The following SDHB variants were observed in gnomAD, a reference collection of about 807,000 sequenced individuals.
SDHB encodes the protein succinate dehydrogenase [ubiquinone] iron-sulfur subunit, mitochondrial.
SDHB carries 21 observed loss-of-function variants against 39.7 expected under a neutral mutation model. That is an observed-to-expected ratio of 0.53 (90% CI 0.37 to 0.76). The LOEUF (loss-of-function observed/expected upper bound fraction) is 0.76. Among genes scored for constraint, SDHB ranks in the 30% least tolerant of loss-of-function variants. SDHB has a pLI of 0.00. For synonymous variants in SDHB, 118 were observed against 117.0 expected (o/e 1.01, Z -0.06); for missense variants, 343 against 350.9 (o/e 0.98, Z 0.18).
intron 2 of SDHB, among the ~76,000 whole-genome samples, chr1:17,043,463 A>G (rs541958814): frequency 6.6e-6 from 1 of 152,202 alleles, no homozygotes; most frequent in Non-Finnish European, 1.5e-5. Context: ...CAAAGTAAGC[A>G]TTTAGAGTAT....
intron 5 of SDHB, among the ~76,000 whole-genome samples, chr1:17,025,973 G>A (rs1405643381): frequency 1.3e-5 from 2 of 152,166 alleles, no homozygotes; most frequent in African/African-American, 2.4e-5. Flanking sequence ...TAAGTGTAAG[G>A]CAAATATTCC....
intron 4 of SDHB, 40 bp downstream of exon 4, chr1:17,028,560 A>G: frequency 6.2e-7 from 1 of 1,610,302 alleles, no homozygotes; most frequent in Non-Finnish European, 8.5e-7. Flanking sequence ...ACTGCCCCCC[A>G]TGCAAATAAA....
intron 1 of SDHB, among the ~76,000 whole-genome samples, chr1:17,049,829 T>G (rs1001191146): frequency 3.3e-5 from 5 of 151,134 alleles, no homozygotes; most frequent in African/African-American, 9.7e-5. Context: ...GTATTTTTAG[T>G]AGGGATGGGG....
At chr1:17,028,817 T>C (rs1313224668) in intron 3 of SDHB, 81 bp from the exon 4 acceptor site, 3 of 1,549,284 alleles carry the variant, frequency 1.9e-6, no homozygotes, top group Non-Finnish European at 1.8e-6. Flanking sequence ...TGGATCCTCC[T>C]TGCTGTGCCA....
chr1:17,049,614 C>A (rs1553178994), intron 1 of SDHB, among the ~76,000 whole-genome samples: 1 of 128,730 alleles, frequency 7.8e-6, no homozygotes, highest in Non-Finnish European at 1.6e-5. Flanking sequence ...GGGCTTTAAA[C>A]AGAATCTGGG....
intron 2 of SDHB, among the ~76,000 whole-genome samples, chr1:17,041,175 T>C (rs759845219): frequency 2.0e-5 from 3 of 152,146 alleles, no homozygotes; most frequent in Non-Finnish European, 4.4e-5. Flanking sequence ...ATAATTTCTA[T>C]TAATATTTTT....
intron 6 of SDHB, 130 bp downstream of exon 6, chr1:17,023,841 CCT>C: frequency 1.4e-6 from 1 of 721,796 alleles, no homozygotes; most frequent in Non-Finnish European, 2.5e-6. Flanking sequence ...AACCAATTAC[CCT>C]GTTTGGACTG....
At chr1:17,023,443 G>C (rs1331028937) in intron 6 of SDHB, among the ~76,000 whole-genome samples, 2 of 152,220 alleles carry the variant, frequency 1.3e-5, no homozygotes, top group African/African-American at 2.4e-5. Flanking sequence ...GAGTTGCCTA[G>C]AGTCTGTGAA....
chr1:17,026,817 G>A (rs1034686834), intron 5 of SDHB, among the ~76,000 whole-genome samples: 3 of 152,066 alleles, frequency 2.0e-5, no homozygotes, highest in Admixed American at 6.6e-5. Flanking sequence ...CCTGGGCTAT[G>A]TTGCCCGGGC....
At chr1:17,028,871 C>G in intron 3 of SDHB, 135 bp from the exon 4 acceptor site, 1 of 1,095,804 alleles carries the variant, frequency 9.1e-7, no homozygotes, top group Non-Finnish European at 1.4e-6. Context: ...ACAGAGGTGC[C>G]TGTTGGCTTT....
At chr1:17,034,462 C>CCT (rs1406523694) in intron 2 of SDHB, among the ~76,000 whole-genome samples, 1 of 152,032 alleles carries the variant, frequency 6.6e-6, no homozygotes, top group African/African-American at 2.4e-5. Context: ...CTCACTGCAA[C>CCT]CTCTACCTTC....
At chr1:17,028,501 T>C (rs2078003655) in intron 4 of SDHB, 99 bp downstream of exon 4, 1 of 1,293,878 alleles carries the variant, frequency 7.7e-7, no homozygotes, top group Non-Finnish European at 1.1e-6. Flanking sequence ...GAGCCTTAAA[T>C]ACTCAAACAA....
At chr1:17,033,255 T>A in intron 2 of SDHB, 110 bp from the exon 3 acceptor site, 1 of 869,510 alleles carries the variant, frequency 1.2e-6, no homozygotes, top group Non-Finnish European at 1.9e-6. Context: ...TTTGGTCTTC[T>A]CAGGTCACCT....
At chr1:17,045,439 C>A (rs1478178137) in intron 1 of SDHB, among the ~76,000 whole-genome samples, 1 of 151,934 alleles carries the variant, frequency 6.6e-6, no homozygotes, top group Admixed American at 6.6e-5. Flanking sequence ...CATGGCAAAA[C>A]CCCATCTCTA....
At chr1:17,047,464 A>G (rs9435749) in intron 1 of SDHB, among the ~76,000 whole-genome samples, 63,955 of 151,466 alleles carry the variant, frequency 0.42, 15,118 homozygotes, top group Non-Finnish European at 0.54. Context: ...ATCACCTGAG[A>G]TCAGGGATTC....
chr1:17,047,777 C>G (rs948762635), intron 1 of SDHB, among the ~76,000 whole-genome samples: 1 of 152,052 alleles, frequency 6.6e-6, no homozygotes, highest in Non-Finnish European at 1.5e-5. Context: ...TGGACTCAAG[C>G]GATCCTCCCA....
intron 3 of SDHB, chr1:17,032,541 A>G (rs1363351006): frequency 5.9e-6 from 1 of 169,310 alleles, no homozygotes; most frequent in Non-Finnish European, 1.3e-5. Flanking sequence ...CATGTAGAAA[A>G]TGTTAGTCTG....
chr1:17,023,154 T>C (rs2077972103), intron 6 of SDHB: 1 of 312,186 alleles, frequency 3.2e-6, no homozygotes, highest in Non-Finnish European at 6.3e-6. Flanking sequence ...CTACAGATAG[T>C]ATTTGTCCCA....
At chr1:17,028,925 G>T (rs141729261) in intron 3 of SDHB, among the ~76,000 whole-genome samples, 189 bp from the exon 4 acceptor site, 31 of 152,082 alleles carry the variant, frequency 2.0e-4, no homozygotes, top group Non-Finnish European at 3.5e-4. Flanking sequence ...GGTTCTAATG[G>T]CTTGAGTTCC....
Sources: allele counts gnomAD v4.1 joint callset (sites outside exome capture counted in the v4.1 genomes callset), GRCh38; gene constraint gnomAD v4.1.1; transcripts MANE v1.5; gene names NCBI Gene and HGNC (gene_info 2026-07-23, HGNC 2026-07-21).